Variants in STK3 observed in about 807,000 individuals in gnomAD.
STK3 encodes serine/threonine-protein kinase 3.
STK3 carries 41 observed loss-of-function variants against 58.0 expected under a neutral mutation model. The observed-to-expected ratio is 0.71, with a 90% CI of 0.55 to 0.92. The LOEUF is 0.92. Ranked by LOEUF, STK3 falls within the 40% of genes least tolerant of loss-of-function variation. The pLI is 0.00. For synonymous variants in STK3, 170 were observed against 191.0 expected, an observed-to-expected ratio of 0.89 and a Z score of 0.91; for missense variants, 479 against 602.7, an observed-to-expected ratio of 0.79 and a Z score of 2.15.
chr8:98,709,594 TA>T (rs748376737), intron 4 of STK3, among the ~76,000 whole-genome samples: 25 of 152,194 alleles, frequency 1.6e-4, no homozygotes, highest in Non-Finnish European at 3.1e-4. Context: ...GGTTATACAC[TA>T]TGACCAACTG....
rs1563599829 is a variant in STK3 at position 98,428,437 on chromosome 8, C to T, written n.483+5690G>A. ...ACGTCTTCCTTCGATGAGATCCTTG[C>T]CTTCTACAACGACGCCTCCAAGTTC... On this transcript the variant is annotated intron_variant and non_coding_transcript_variant, in intron 3 of 3. Coordinates refer to the STK3 transcript ENST00000517832. This position sits in a 1 kb window ranked among gnomAD's most constrained non-coding sequence, Gnocchi z 6.7. The T allele has an allele frequency of 1.9e-6, 3 of 1,614,142 alleles. No individual in the cohort carries two copies. The highest frequency in any genetic ancestry group is 2.2e-5 in the East Asian group (1 of 44,866).
At chr8:98,465,526 A>G (rs1470522594) in intron 10 of STK3, among the ~76,000 whole-genome samples, 2 of 152,336 alleles carry the variant, frequency 1.3e-5, no homozygotes, top group East Asian at 3.9e-4. Context: ...AAATAAGTGC[A>G]TATGTGTTAA....
intron 1 of STK3, among the ~76,000 whole-genome samples, chr8:98,803,155 T>C (rs1440121766): frequency 1.3e-5 from 2 of 152,212 alleles, no homozygotes; most frequent in East Asian, 3.8e-4. Context: ...TTTAAAATTG[T>C]ATCTCACATA....
the STK3 span, among the ~76,000 whole-genome samples, chr8:98,357,190 G>T: frequency 6.6e-6 from 1 of 152,128 alleles, no homozygotes; most frequent in African/African-American, 2.4e-5. Flanking sequence ...GGATTAGCAG[G>T]GATCCAGCAC....
At chr8:98,424,246 C>T (rs1373929069) in intron 3 of STK3, among the ~76,000 whole-genome samples, 4 of 152,252 alleles carry the variant, frequency 2.6e-5, no homozygotes, top group Non-Finnish European at 5.9e-5. Flanking sequence ...GGGCTTCTCC[C>T]TGCAGGCTCC....
chr8:98,855,249 C>T (rs1195452728), intron 3 of STK3, among the ~76,000 whole-genome samples: 1 of 152,154 alleles, frequency 6.6e-6, no homozygotes, highest in Non-Finnish European at 1.5e-5. Context: ...AGTAGGAAGA[C>T]TCATACTTCC....
chr8:98,621,374 C>G (rs963755964), intron 6 of STK3, among the ~76,000 whole-genome samples: 7 of 152,138 alleles, frequency 4.6e-5, no homozygotes, highest in Non-Finnish European at 1.0e-4. Flanking sequence ...TTCTACCTTT[C>G]CAATCTGTAT....
intron 3 of STK3, among the ~76,000 whole-genome samples, chr8:98,841,721 A>G (rs1382674819): frequency 1.3e-5 from 2 of 151,282 alleles, no homozygotes; most frequent in Non-Finnish European, 2.9e-5. Flanking sequence ...TGTAAAAAAT[A>G]AAAATAAAAA....
intron 10 of STK3, among the ~76,000 whole-genome samples, chr8:98,485,554 G>A (rs1822185908): frequency 6.6e-6 from 1 of 152,214 alleles, no homozygotes; most frequent in South Asian, 2.1e-4. Context: ...CACTGGTGGG[G>A]CTGGAGACCG....
At chr8:98,492,611 C>T (rs1277340692) in intron 10 of STK3, among the ~76,000 whole-genome samples, 1 of 150,924 alleles carries the variant, frequency 6.6e-6, no homozygotes, top group African/African-American at 2.4e-5. Context: ...TTTTTTTTGG[C>T]AGGAATGGAA....
rs1293409348 is a variant in STK3, at chr8:98,444,002, A to T, written n.186-6794T>A. 2.6e-5 allele frequency among the ~76,000 whole-genome samples: 4 copies of T among 152,206 alleles called. No homozygotes were observed. The South Asian group carries it at 6.2e-4, about 24-fold the overall frequency. On this transcript the variant is annotated intron_variant and non_coding_transcript_variant, in intron 1 of 3. Transcript: ENST00000517832. The stretch of plus-strand genomic sequence containing the variant: ...AATTTAAATCACGTTTATTTTACCT[A>T]TGGTTCCTCCACCCATCATTTGACA...
chr8:98,550,265 C>T (rs147993684), intron 8 of STK3, among the ~76,000 whole-genome samples: 45 of 152,176 alleles, frequency 3.0e-4, no homozygotes, highest in African/African-American at 1.1e-3. Context: ...GTCTCAAAGT[C>T]GTTTGCACTT....
At chr8:98,797,059 G>A (rs1833224422) in intron 1 of STK3, among the ~76,000 whole-genome samples, 1 of 152,200 alleles carries the variant, frequency 6.6e-6, no homozygotes, top group Admixed American at 6.5e-5. Flanking sequence ...GCCAGCCACT[G>A]ACATCTTTTC....
At chr8:98,656,920 G>T (rs1697198043) in intron 6 of STK3, among the ~76,000 whole-genome samples, 1 of 151,982 alleles carries the variant, frequency 6.6e-6, no homozygotes, top group Non-Finnish European at 1.5e-5. Flanking sequence ...ACTCTGAAAG[G>T]TGGATGAAAT....
At chr8:98,469,335 C>A (rs562959827) in intron 10 of STK3, among the ~76,000 whole-genome samples, 11 of 151,354 alleles carry the variant, frequency 7.3e-5, no homozygotes, top group Non-Finnish European at 1.5e-4. Context: ...TAATAGAGAA[C>A]ATGGCATCAA....
chr8:98,630,909 T>G (rs1472417846), intron 6 of STK3, among the ~76,000 whole-genome samples: 1 of 142,776 alleles, frequency 7.0e-6, no homozygotes, highest in Non-Finnish European at 1.6e-5. Context: ...TGACATATAG[T>G]AAACATTTCT....
chr8:98,343,997 T>G, the STK3 span, among the ~76,000 whole-genome samples: 1 of 152,144 alleles, frequency 6.6e-6, no homozygotes, highest in African/African-American at 2.4e-5. Context: ...ATTATATTAT[T>G]TATTACACAC....
At chr8:98,564,165 C>T (rs1020274722) in intron 8 of STK3, among the ~76,000 whole-genome samples, 3 of 151,990 alleles carry the variant, frequency 2.0e-5, no homozygotes, top group Admixed American at 1.3e-4. Flanking sequence ...CAATAAGCCT[C>T]GTCTCATCAT....
chr8:98,577,032 T>C (rs1273328955), intron 8 of STK3, among the ~76,000 whole-genome samples: 1 of 152,212 alleles, frequency 6.6e-6, no homozygotes, highest in Non-Finnish European at 1.5e-5. Flanking sequence ...AATGTCATAA[T>C]GCTTTCTTAT....
Sources: gnomAD v4.1 joint callset for allele counts (sites outside exome capture counted in the v4.1 genomes callset) on GRCh38, gnomAD v4.1.1 for gene constraint, Gnocchi (gnomAD v3.1) non-coding constraint, MANE v1.5 for transcripts, NCBI Gene and HGNC (gene_info 2026-07-23, HGNC 2026-07-21) for gene names.